The following CUX1 variants were observed in gnomAD, a reference collection of about 807,000 sequenced individuals.
CUX1 encodes cut like homeobox 1, also known as protein CASP.
In CUX1, 31 loss-of-function variants were observed where a neutral mutation model predicts 158.8. The ratio of observed to expected loss-of-function variants is 0.20; its 90% CI spans 0.15 to 0.26. The LOEUF (loss-of-function observed/expected upper bound fraction) is 0.26, where lower values mean the gene tolerates loss of function less well. Ranked by LOEUF, CUX1 falls within the 10% of genes least tolerant of loss-of-function variation. The pLI is 1.00. For synonymous variants in CUX1, 879 were observed against 862.1 expected, an observed-to-expected ratio of 1.02 and a Z score of -0.34; for missense variants, 1,589 against 2,014.6, an observed-to-expected ratio of 0.79 and a Z score of 4.04.
At chr7:101,897,252 A>G (rs1458061181) in intron 1 of CUX1, among the ~76,000 whole-genome samples, 5 of 152,234 alleles carry the variant, frequency 3.3e-5, no homozygotes, top group African/African-American at 1.2e-4. Context: ...GTGGCTTGAC[A>G]TCCTCGAAGG....
At chr7:102,018,647 A>C (rs2129314453) in intron 2 of CUX1, among the ~76,000 whole-genome samples, 1 of 152,248 alleles carries the variant, frequency 6.6e-6, no homozygotes, top group East Asian at 1.9e-4. Flanking sequence ...GACAATGAGC[A>C]GTTCTCAGCT....
chr7:102,083,044 T>C (rs1209914538), intron 4 of CUX1, among the ~76,000 whole-genome samples: 2 of 147,328 alleles, frequency 1.4e-5, no homozygotes, highest in East Asian at 3.8e-4. Flanking sequence ...TCTTTTTTTA[T>C]TAATTTTTTT....
chr7:102,056,884 TG>T (rs763040822), intron 3 of CUX1, among the ~76,000 whole-genome samples: 8 of 128,152 alleles, frequency 6.2e-5, no homozygotes, highest in Non-Finnish European at 1.1e-4. Flanking sequence ...AAAGATTTTT[TG>T]TTTTTTGTTT....
intron 23 of CUX1, 34 bp downstream of exon 23, chr7:102,239,618 GC>G (rs782040130): frequency 4.4e-6 from 7 of 1,594,992 alleles, no homozygotes; most frequent in Non-Finnish European, 6.0e-6. Context: ...GCGCCGGTCG[GC>G]CCAGGGGAAG....
intron 4 of CUX1, among the ~76,000 whole-genome samples, chr7:102,080,420 T>C (rs1827244758): frequency 6.6e-6 from 1 of 152,208 alleles, no homozygotes; most frequent in Non-Finnish European, 1.5e-5. Flanking sequence ...GTTAATTATG[T>C]AATCGTATGA....
chr7:102,168,938 CTTTT>C (rs782482609), intron 9 of CUX1, among the ~76,000 whole-genome samples: 2 of 52,684 alleles, frequency 3.8e-5, no homozygotes, highest in South Asian at 1.2e-3. Context: ...CTTTTATTTT[CTTTT>C]TTTTTTTGAG....
chr7:101,996,550 A>G (rs112639058), intron 2 of CUX1, among the ~76,000 whole-genome samples: 4 of 152,106 alleles, frequency 2.6e-5, no homozygotes, highest in African/African-American at 9.7e-5. Flanking sequence ...AGGCAGGCGC[A>G]CAGTGGTTTC....
chr7:102,091,126 C>G (rs1235302736), intron 4 of CUX1, among the ~76,000 whole-genome samples: 2 of 152,204 alleles, frequency 1.3e-5, no homozygotes, highest in South Asian at 4.1e-4. Context: ...CAAATATTCA[C>G]TTTTAGAATG....
chr7:102,190,421 C>T (rs1012136730), intron 12 of CUX1, among the ~76,000 whole-genome samples: 3 of 152,182 alleles, frequency 2.0e-5, no homozygotes, highest in African/African-American at 4.8e-5. Flanking sequence ...TCTGCCTCCT[C>T]ACCCTGAGCC....
chr7:101,955,274 A>G (rs990947793), intron 2 of CUX1, among the ~76,000 whole-genome samples: 4 of 152,138 alleles, frequency 2.6e-5, no homozygotes, highest in Admixed American at 2.6e-4. Flanking sequence ...GCTGTGACAC[A>G]GGTGATCTGA....
At chr7:102,204,645 A>C in intron 19 of CUX1, 89 bp downstream of exon 19, 1 of 1,511,660 alleles carries the variant, frequency 6.6e-7, no homozygotes, top group Non-Finnish European at 8.9e-7. Flanking sequence ...GCAGAGAGGG[A>C]GGAGGGAACT....
intron 1 of CUX1, among the ~76,000 whole-genome samples, chr7:101,864,653 C>T (rs140534851): frequency 1.9e-3 from 296 of 152,224 alleles, no homozygotes; most frequent in African/African-American, 6.7e-3. Context: ...TAGGTTCAAG[C>T]AATTCTCCTG....
chr7:101,816,127 G>T (rs368907672), upstream of CUX1: 4 of 1,273,264 alleles, frequency 3.1e-6, no homozygotes, highest in South Asian at 4.3e-5. Flanking sequence ...TCGCGCCCGG[G>T]GGTGGGGGCT....
chr7:102,089,168 C>T (rs1828271852), intron 4 of CUX1, among the ~76,000 whole-genome samples: 1 of 152,102 alleles, frequency 6.6e-6, no homozygotes, highest in Non-Finnish European at 1.5e-5. Flanking sequence ...CTTTAAGCTT[C>T]AGAATTCGAT....
chr7:102,195,356 G>A (rs1794682298), intron 13 of CUX1, 151 bp from the exon 14 acceptor site: 2 of 545,318 alleles, frequency 3.7e-6, no homozygotes, highest in South Asian at 2.8e-5. Flanking sequence ...GACTTGGGGG[G>A]AAATCAGCTG....
rs185048940 is a variant in CUX1 at position 101,849,880 on chromosome 7, C to T, written c.30+32211C>T. ...ACTTTTTAATAATAGCTATTCTGACCGGTATGAGACAGTATCTCATTGTCT... is the reference window on the plus strand; with the variant it reads ...ACTTTTTAATAATAGCTATTCTGACTGGTATGAGACAGTATCTCATTGTCT... On this transcript the variant is annotated intron_variant, in intron 1 of 23. Transcript: ENST00000292535. 8.7e-4 allele frequency among the ~76,000 whole-genome samples: 131 copies of T among 150,290 alleles called. 2 individuals are homozygous for T. Among genetic ancestry groups the T allele is most frequent in the African/African-American group, 3.0e-3 (123 of 40,898 alleles).
intron 1 of CUX1, among the ~76,000 whole-genome samples, chr7:101,868,773 C>G (rs1433102576): frequency 6.6e-6 from 1 of 152,186 alleles, no homozygotes; most frequent in Non-Finnish European, 1.5e-5. Flanking sequence ...GAGAGAGGCT[C>G]CCAGGAGGGG....
intron 3 of CUX1, among the ~76,000 whole-genome samples, chr7:102,045,136 A>T (rs1445859658): frequency 2.0e-5 from 3 of 152,120 alleles, no homozygotes; most frequent in Non-Finnish European, 4.4e-5. Flanking sequence ...TCAATTAGGG[A>T]CCCGTCGGAC....
intron 4 of CUX1, among the ~76,000 whole-genome samples, chr7:102,081,844 T>G (rs1827450996): frequency 6.8e-6 from 1 of 146,522 alleles, no homozygotes; most frequent in South Asian, 2.2e-4. Flanking sequence ...CAAGCTGATC[T>G]CGATCTCCTG....
Sources: allele counts gnomAD v4.1 joint callset (sites outside exome capture counted in the v4.1 genomes callset), GRCh38; gene constraint gnomAD v4.1.1; transcripts MANE v1.5; gene names NCBI Gene and HGNC (gene_info 2026-07-23, HGNC 2026-07-21).